Variants in OTOF observed in about 807,000 individuals in gnomAD.
The protein encoded by OTOF is otoferlin.
OTOF carries 218 observed loss-of-function variants against 236.8 expected under a neutral mutation model. That is an observed-to-expected ratio of 0.92 (90% CI 0.82 to 1.03). The LOEUF is 1.03. Ranked by LOEUF, OTOF falls within the 50% of genes least tolerant of loss-of-function variation. The pLI is 0.00. For synonymous variants in OTOF, 1,041 were observed against 1,072.5 expected, an observed-to-expected ratio of 0.97 and a Z score of 0.57; for missense variants, 2,590 against 2,694.4, an observed-to-expected ratio of 0.96 and a Z score of 0.86.
intron 5 of OTOF, among the ~76,000 whole-genome samples, chr2:26,512,921 AG>A (rs35451377): frequency 2.6e-5 from 4 of 152,116 alleles, no homozygotes; most frequent in African/African-American, 9.7e-5. Flanking sequence ...ACAAATGGGG[AG>A]GGGGGTTCCC....
At chr2:26,504,439 T>G (rs1008398188) in intron 5 of OTOF, among the ~76,000 whole-genome samples, 1 of 152,204 alleles carries the variant, frequency 6.6e-6, no homozygotes, top group Non-Finnish European at 1.5e-5. Context: ...CTCCGTGTTC[T>G]GGGATGCTCC....
intron 46 of OTOF, among the ~76,000 whole-genome samples, chr2:26,458,753 G>A (rs1293502532): frequency 6.6e-6 from 1 of 152,134 alleles, no homozygotes; most frequent in Non-Finnish European, 1.5e-5. Flanking sequence ...ACTATCTGTC[G>A]TTTGTGTTAT....
Position 26,479,617 on chromosome 2 carries a change from G to C in OTOF, c.1949C>G (p.Pro650Arg), listed in dbSNP as rs746863186. ...CTCCTTCCGGGGCCGAGGCCGCTGGGGCCGGGACAGGCCATCAACTTCGTT... is the reference window on the plus strand; with the variant it reads ...CTCCTTCCGGGGCCGAGGCCGCTGGCGCCGGGACAGGCCATCAACTTCGTT... Reference protein sequence around the residue: ...YGNEVDGLSRPQRPRPRKEPG... With the variant: ...YGNEVDGLSRRQRPRPRKEPG... Residue 650 changes from proline to arginine, a missense_variant, in exon 17 of 47, where the codon CCC becomes CGC. Coordinates refer to ENST00000272371, the MANE Select transcript of OTOF (RefSeq NM_194248.3). 1 of 1,612,600 alleles carries C rather than the reference G, an allele frequency of 6.2e-7. No individual in the cohort carries two copies. The highest frequency in any genetic ancestry group is 2.2e-5 in the East Asian group (1 of 44,866).
At chr2:26,526,086 C>CA (rs796661291) in intron 3 of OTOF, among the ~76,000 whole-genome samples, 4,571 of 57,300 alleles carry the variant, frequency 0.08, 405 homozygotes, top group African/African-American at 0.2. Flanking sequence ...GACTCTGTCT[C>CA]AAAAAAAAAA....
intron 9 of OTOF, among the ~76,000 whole-genome samples, chr2:26,492,152 G>A (rs562608172): frequency 6.6e-6 from 1 of 152,236 alleles, no homozygotes; most frequent in Non-Finnish European, 1.5e-5. Flanking sequence ...AGGAATCATA[G>A]TAAGATAGTT....
chr2:26,458,188 T>C lies in OTOF; in HGVS notation c.*50A>G, dbSNP rs1186629873. On this transcript the variant is annotated 3_prime_UTR_variant, in exon 47 of 47. Transcript: ENST00000272371. ...GAGGTACTTGATGGACTTGAGAGGG[T>C]TGAGGAACCAGACGAAGGCCGTGTC... 1 of 1,610,814 alleles carries C rather than the reference T, an allele frequency of 6.2e-7. No individual in the cohort carries two copies. The highest frequency in any genetic ancestry group is 1.7e-5 in the Admixed American group (1 of 59,372).
In OTOF at chr2:26,479,576, C is replaced by A. The variant is rs1159581470; in HGVS notation, c.1990G>T (p.Glu664Ter). 1.2e-6 allele frequency: 2 copies of A among 1,612,798 alleles called. No homozygotes were observed. Among genetic ancestry groups the A allele is most frequent in the Non-Finnish European group, 1.7e-6 (2 of 1,179,948 alleles). The change falls in exon 17 of 47, where the codon GAA (glutamate) becomes TAA (stop). Residue 664 changes from glutamate (E) to a stop codon, truncating the protein, a stop_gained. Coordinates refer to ENST00000272371, the MANE Select transcript of OTOF (RefSeq NM_194248.3). LOFTEE classifies it high-confidence loss of function. ...CTTGCGTTCTGAATCAGGTCTACTT[C>A]TTCCTCATCCCCCGGCTCCTTCCGG... ...RPRKEPGDEE[E>*]VDLIQNASDD...
At position 26,482,522 on chromosome 2, in the gene OTOF, A is replaced by G. The variant is rs1188702284; in HGVS notation, c.1463T>C (p.Phe488Ser). The part of the protein sequence containing the change: ...WNEQVVFTDL[F>S]PPLCKRMKVQ... ...CTTCATGCGTTTGCAGAGTGGGGGG[A>G]AGAGGTCTGTAAAGACGACCTGCTC... Residue 488 changes from phenylalanine to serine, a missense_variant, in exon 14 of 47, where the codon TTC (phenylalanine) becomes TCC (serine). This residue lies in a region of OTOF where 1,379 missense variants were observed against 1,341.6 expected (regional missense o/e 1.03). Transcript: ENST00000272371. The G allele has an allele frequency of 1.2e-6, 2 of 1,613,282 alleles. No homozygotes were observed. Among genetic ancestry groups the G allele is most frequent in the Middle Eastern group, 3.3e-4 (2 of 6,062 alleles).
rs2148018855 is a variant in OTOF at position 26,461,167 on chromosome 2, T to G, written c.5534-137A>C. On this transcript the variant is annotated intron_variant, in intron 43 of 46. Coordinates refer to ENST00000272371, the MANE Select transcript of OTOF (RefSeq NM_194248.3). The surrounding 1 kb of genome is among the most constrained non-coding windows in gnomAD (Gnocchi z 6.2). ...CCCACATCTCATCCTCCTGCCTCAC[T>G]CCCAGCAACTGGCCTCAATGCAGGC... 1 of 794,202 alleles carries G rather than the reference T, an allele frequency of 1.3e-6. No homozygotes were observed. Among genetic ancestry groups the G allele is most frequent in the African/African-American group, 1.7e-5 (1 of 59,042 alleles). The allele number at this position is 794,202 out of a possible 1,614,324, so 49.2% of individuals were successfully genotyped here.
rs569389376 is a variant in OTOF at position 26,540,440 on chromosome 2, C to CA, written c.80-2667dup. On this transcript the variant is annotated intron_variant, in intron 1 of 46. Coordinates refer to ENST00000272371, the MANE Select transcript of OTOF (RefSeq NM_194248.3). ...CAGGCCAAGGAGGTACTGGAGGGGT[C>CA]AGAGCTCCTCTGAACCTTCCCTGTG... 2.3e-3 allele frequency among the ~76,000 whole-genome samples: 346 copies of CA among 152,266 alleles called. 1 individual carries two copies. The highest frequency in any genetic ancestry group is 7.7e-3 in the African/African-American group (321 of 41,554).
At position 26,503,812 on chromosome 2, in the gene OTOF, G is replaced by A. The variant is rs1249405157; in HGVS notation, c.543C>T (p.Leu181=). The change falls in exon 6 of 47, where the codon CTC becomes CTT. Residue 181 remains leucine (L), a synonymous_variant. Coordinates refer to ENST00000272371, the MANE Select transcript of OTOF (RefSeq NM_194248.3). ...CCTCCTTGTGAGACCGGTTTTTGCCGAGCTTCATGGCGGAGAACACGCTCC... is the reference window on the plus strand; with the variant it reads ...CCTCCTTGTGAGACCGGTTTTTGCCAAGCTTCATGGCGGAGAACACGCTCC... The part of the protein sequence containing the change: ...AGRSVFSAMK[L]GKNRSHKEEP... 4 of 1,614,120 alleles carry A rather than the reference G, an allele frequency of 2.5e-6. No individual in the cohort carries two copies. The highest frequency in any genetic ancestry group is 4.5e-5 in the East Asian group (2 of 44,880).
At chr2:26,528,574 C>A (rs1666866552) in intron 2 of OTOF, among the ~76,000 whole-genome samples, 2 of 152,226 alleles carry the variant, frequency 1.3e-5, no homozygotes, top group African/African-American at 4.8e-5. Flanking sequence ...TCCTCCCTAA[C>A]TCAATGTTAA....
At chr2:26,495,723 G>C (rs1665966231) in intron 8 of OTOF, among the ~76,000 whole-genome samples, 3 of 152,210 alleles carry the variant, frequency 2.0e-5, no homozygotes, top group African/African-American at 7.2e-5. Flanking sequence ...ACCGTGCCCA[G>C]GCTGGAATCT....
rs1664544037 is a variant in OTOF at position 26,462,847 on chromosome 2, T to C, written c.5192+636A>G. Among the ~76,000 whole-genome samples the C allele has an allele frequency of 6.6e-6, 1 of 152,232 alleles. No individual in the cohort carries two copies. Among genetic ancestry groups the C allele is most frequent in the African/African-American group, 2.4e-5 (1 of 41,456 alleles). ...GCATGGAAACAAGAGTGGGACCCTG[T>C]GTGGCTTCCTCCATCCCTGAAGCTG... On this transcript the variant is annotated intron_variant, in intron 41 of 46. Transcript: ENST00000272371. This position sits in a 1 kb window ranked among gnomAD's most constrained non-coding sequence, Gnocchi z 4.7.
chr2:26,521,670 C>T (rs559099487), intron 3 of OTOF, among the ~76,000 whole-genome samples: 1 of 152,330 alleles, frequency 6.6e-6, no homozygotes, highest in Non-Finnish European at 1.5e-5. Flanking sequence ...CCAGGCAAAT[C>T]CCCTACTCTT....
At chr2:26,532,677 G>C (rs1035882464) in intron 2 of OTOF, among the ~76,000 whole-genome samples, 1 of 151,816 alleles carries the variant, frequency 6.6e-6, no homozygotes, top group African/African-American at 2.4e-5. Context: ...TCTGTTGGAG[G>C]GAGTGATCTC....
chr2:26,465,168 C>T (rs145767156), intron 38 of OTOF, 139 bp from the exon 39 acceptor site: 1 of 709,998 alleles, frequency 1.4e-6, no homozygotes, highest in East Asian at 2.8e-5. Flanking sequence ...CCCTGGGCCC[C>T]AGGCTCACCT....
intron 1 of OTOF, among the ~76,000 whole-genome samples, chr2:26,538,009 G>GA (rs201917127): frequency 0.015 from 2,258 of 152,306 alleles, 58 homozygotes; most frequent in East Asian, 0.11. Flanking sequence ...TCCATGTTAG[G>GA]AACGGGAATG....
chr2:26,507,197 G>C (rs186005351), intron 5 of OTOF, among the ~76,000 whole-genome samples: 1 of 152,208 alleles, frequency 6.6e-6, no homozygotes, highest in Admixed American at 6.5e-5. Context: ...TGTAGTGAAG[G>C]ATGTAATTTC....
Sources: allele counts gnomAD v4.1 joint callset (sites outside exome capture counted in the v4.1 genomes callset), GRCh38; gene constraint gnomAD v4.1.1; regional missense constraint gnomAD v4.1.1; non-coding constraint Gnocchi (gnomAD v3.1); transcripts MANE v1.5; gene names NCBI Gene and HGNC (gene_info 2026-07-23, HGNC 2026-07-21).